The following R3HDM1 variants were observed in gnomAD, a reference collection of about 807,000 sequenced individuals.
The protein encoded by R3HDM1 is R3H domain containing 1.
A neutral mutation model predicts 141.1 loss-of-function variants in R3HDM1; 46 were observed. The observed-to-expected ratio is 0.33, with a 90% CI of 0.26 to 0.42. The LOEUF is 0.42. Among genes scored for constraint, R3HDM1 ranks in the 10% least tolerant of loss-of-function variants. R3HDM1 has a pLI of 1.00. For synonymous variants in R3HDM1, 435 were observed against 472.9 expected, an observed-to-expected ratio of 0.92 and a Z score of 1.04; for missense variants, 1,184 against 1,368.3, an observed-to-expected ratio of 0.87 and a Z score of 2.12.
At chr2:135,688,881 A>C (rs2071845050) in intron 21 of R3HDM1, among the ~76,000 whole-genome samples, 1 of 152,198 alleles carries the variant, frequency 6.6e-6, no homozygotes, top group Admixed American at 6.5e-5. Context: ...GGTTGCTGTG[A>C]GCCGAGATGG....
intron 1 of R3HDM1, among the ~76,000 whole-genome samples, chr2:135,544,565 G>A (rs1444911469): frequency 6.6e-6 from 1 of 152,182 alleles, no homozygotes; most frequent in Non-Finnish European, 1.5e-5. Context: ...AGAAATGGAG[G>A]AATAAAATTA....
intron 1 of R3HDM1, among the ~76,000 whole-genome samples, chr2:135,562,763 A>G (rs1385160976): frequency 6.6e-6 from 1 of 152,244 alleles, no homozygotes; most frequent in African/African-American, 2.4e-5. Flanking sequence ...TTTAAAGCCA[A>G]CTATGCTAAG....
chr2:135,691,057 A>G (rs1007479600), intron 21 of R3HDM1, among the ~76,000 whole-genome samples: 2 of 152,202 alleles, frequency 1.3e-5, no homozygotes, highest in Admixed American at 6.5e-5. Context: ...TATTTTGTCT[A>G]TTAAAACAGT....
intron 21 of R3HDM1, among the ~76,000 whole-genome samples, chr2:135,692,070 A>G (rs946574308): frequency 7.9e-5 from 12 of 151,832 alleles, no homozygotes; most frequent in African/African-American, 2.9e-4. Flanking sequence ...CCGCCACCAC[A>G]CCTGGCTAAT....
chr2:135,576,918 A>G (rs943721925), intron 1 of R3HDM1: 13 of 236,150 alleles, frequency 5.5e-5, no homozygotes, highest in African/African-American at 3.0e-4. Context: ...AAAATGTTCT[A>G]AAATTTATTG....
chr2:135,646,054 A>G (rs2064359993), intron 16 of R3HDM1, among the ~76,000 whole-genome samples: 1 of 152,158 alleles, frequency 6.6e-6, no homozygotes, highest in Admixed American at 6.5e-5. Flanking sequence ...TCATTTTCAC[A>G]TTCAGTCTTT....
At chr2:135,666,294 A>G (rs113677914) in intron 19 of R3HDM1, among the ~76,000 whole-genome samples, 2 of 152,216 alleles carry the variant, frequency 1.3e-5, no homozygotes, top group African/African-American at 4.8e-5. Context: ...AGAGTCGGCT[A>G]TGTCAAATAG....
chr2:135,604,766 G>A (rs536358808), intron 2 of R3HDM1, 40 bp from the exon 3 acceptor site: 947 of 1,460,770 alleles, frequency 6.5e-4, no homozygotes, highest in Non-Finnish European at 8.3e-4. Flanking sequence ...GTAACTGAAT[G>A]TAAAAAAGTT....
At chr2:135,598,839 TCTTTC>T (rs1159619423) in intron 1 of R3HDM1, among the ~76,000 whole-genome samples, 1 of 152,222 alleles carries the variant, frequency 6.6e-6, no homozygotes, top group Non-Finnish European at 1.5e-5. Context: ...CCCATCCTTT[TCTTTC>T]CTTTGATTTA....
At chr2:135,639,644 TCTC>T (rs1455134683) in intron 14 of R3HDM1, among the ~76,000 whole-genome samples, 2 of 152,226 alleles carry the variant, frequency 1.3e-5, no homozygotes, top group African/African-American at 2.4e-5. Flanking sequence ...ATTTCAATAA[TCTC>T]CTCATTCTAC....
At chr2:135,552,493 G>A (rs1303680781) in intron 1 of R3HDM1, among the ~76,000 whole-genome samples, 3 of 152,074 alleles carry the variant, frequency 2.0e-5, no homozygotes, top group African/African-American at 7.2e-5. Flanking sequence ...ACCACACGCG[G>A]CCTAATCCAG....
At chr2:135,676,859 G>A (rs2069264836) in intron 20 of R3HDM1, among the ~76,000 whole-genome samples, 1 of 152,106 alleles carries the variant, frequency 6.6e-6, no homozygotes, top group South Asian at 2.1e-4. Flanking sequence ...TCAACAAGGA[G>A]AGAATAGCCT....
Position 135,638,608 on chromosome 2 carries a change from T to C in R3HDM1, c.904-10T>C. 1 of 1,603,564 alleles carries C rather than the reference T, an allele frequency of 6.2e-7. No individual in the cohort carries two copies. The highest frequency in any genetic ancestry group is 1.3e-5 in the African/African-American group (1 of 74,754). ...AAAGCTCAACTTTTTGTATCTATTC[T>C]TTTTTCTAGTCCCTGTGTTCCCAAG... On this transcript the variant is annotated splice_polypyrimidine_tract_variant and intron_variant, in intron 11 of 26. Coordinates refer to ENST00000683871, the MANE Select transcript of R3HDM1 (RefSeq NM_001378107.1).
intron 19 of R3HDM1, among the ~76,000 whole-genome samples, chr2:135,663,386 T>G (rs2067018866): frequency 6.6e-6 from 1 of 152,244 alleles, no homozygotes; most frequent in African/African-American, 2.4e-5. Context: ...TTGACTCTTA[T>G]GAGTCAGTCA....
chr2:135,664,031 CAAAAAAAAAA>C (rs11382173), intron 19 of R3HDM1, among the ~76,000 whole-genome samples: 1 of 103,804 alleles, frequency 9.6e-6, no homozygotes, highest in South Asian at 2.9e-4. Context: ...GAGACTGTCT[CAAAAAAAAAA>C]AAAAAAAACT....
At chr2:135,719,689 T>C (rs985672851) in intron 24 of R3HDM1, among the ~76,000 whole-genome samples, 1 of 152,224 alleles carries the variant, frequency 6.6e-6, no homozygotes, top group Non-Finnish European at 1.5e-5. Flanking sequence ...TTTTATCTTT[T>C]GTTGAAAAAT....
At chr2:135,579,305 G>T (rs900167767) in intron 1 of R3HDM1, among the ~76,000 whole-genome samples, 1 of 152,156 alleles carries the variant, frequency 6.6e-6, no homozygotes, top group Non-Finnish European at 1.5e-5. Flanking sequence ...GAGAATATTA[G>T]ATTGTAACCC....
intron 1 of R3HDM1, among the ~76,000 whole-genome samples, chr2:135,544,741 A>ACTTGAGGCCAGGAG (rs1698330778): frequency 6.6e-6 from 1 of 152,118 alleles, no homozygotes; most frequent in African/African-American, 2.4e-5. Flanking sequence ...CGGGCAGAAT[A>ACTTGAGGCCAGGAG]CTTGAGGCCA....
chr2:135,661,143 G>GAAATTTAAA, intron 18 of R3HDM1, 127 bp from the exon 19 acceptor site: 1 of 1,200,486 alleles, frequency 8.3e-7, no homozygotes, highest in Non-Finnish European at 1.1e-6. Flanking sequence ...TTAAATTTAA[G>GAAATTTAAA]AAAAATCAGT....
Sources: gnomAD v4.1 joint callset for allele counts (sites outside exome capture counted in the v4.1 genomes callset) on GRCh38, gnomAD v4.1.1 for gene constraint, MANE v1.5 for transcripts, NCBI Gene and HGNC (gene_info 2026-07-23, HGNC 2026-07-21) for gene names.